PON3: variants seen among roughly 807,000 people sequenced by gnomAD.
The protein encoded by PON3 is paraoxonase 3.
In PON3, 37 loss-of-function variants were observed where a neutral mutation model predicts 36.3. The observed-to-expected ratio is 1.02, with a 90% confidence interval of 0.78 to 1.34. PON3 has a LOEUF of 1.34. PON3 is among the 40% of genes most tolerant of loss of function. The pLI is 0.00. For synonymous variants in PON3, 155 were observed against 154.8 expected (o/e 1.00, Z -0.01); for missense variants, 415 against 426.5 (o/e 0.97, Z 0.24).
chr7:95,377,537 T>C (rs1192980478), intron 3 of PON3: 10 of 424,866 alleles, frequency 2.4e-5, no homozygotes, highest in East Asian at 1.8e-4. Context: ...AGATACCTCA[T>C]ACAGGCGGAT....
At chr7:95,368,072 C>G (rs548356950) in intron 4 of PON3, among the ~76,000 whole-genome samples, 36 of 152,272 alleles carry the variant, frequency 2.4e-4, no homozygotes, top group African/African-American at 8.4e-4. Flanking sequence ...CTAACTAATT[C>G]TAGGTAGTAC....
In PON3 at chr7:95,372,192, G is replaced by T. The variant is rs758765610; in HGVS notation, c.348C>A (p.Ile116=). The T allele has an allele frequency of 6.2e-7, 1 of 1,613,572 alleles. No individual in the cohort carries two copies. The highest frequency in any genetic ancestry group is 8.5e-7 in the Non-Finnish European group (1 of 1,179,692). Residue 116 remains isoleucine, a synonymous_variant, in exon 4 of 9, where the codon ATC becomes ATA. Transcript: ENST00000265627. ...FDKELFNPHG[I]SIFIDKDNTV... is the part of the protein sequence containing the mutation. ...TTTTACCTTTGTCGATGAAAATACT[G>T]ATCCCATGTGGATTAAATAATTCTT...
chr7:95,394,973 G>A (rs1809397290), intron 1 of PON3, among the ~76,000 whole-genome samples: 1 of 152,090 alleles, frequency 6.6e-6, no homozygotes, highest in Non-Finnish European at 1.5e-5. Flanking sequence ...AAATTCTGCT[G>A]CCCAAATAAA....
chr7:95,375,241 T>C (rs184571306), intron 3 of PON3, among the ~76,000 whole-genome samples: 145 of 151,432 alleles, frequency 9.6e-4, no homozygotes, highest in African/African-American at 3.5e-3. Flanking sequence ...TTAATGTATA[T>C]ATGTATATGT....
intron 3 of PON3, among the ~76,000 whole-genome samples, chr7:95,375,710 TG>T (rs1396994653): frequency 6.6e-6 from 1 of 152,218 alleles, no homozygotes; most frequent in Non-Finnish European, 1.5e-5. Context: ...CTAGATTAAG[TG>T]TGATGATCAA....
chr7:95,384,693 G>A (rs1189617493), intron 3 of PON3, among the ~76,000 whole-genome samples: 2 of 152,148 alleles, frequency 1.3e-5, no homozygotes, highest in African/African-American at 4.8e-5. Flanking sequence ...TAAAAGTCAG[G>A]AAACAACAGG....
At chr7:95,366,239 T>A (rs575675948) in intron 5 of PON3, among the ~76,000 whole-genome samples, 1 of 152,128 alleles carries the variant, frequency 6.6e-6, no homozygotes, top group Admixed American at 6.5e-5. Context: ...AATCCACTAG[T>A]TAGGTAAGTC....
intron 3 of PON3, among the ~76,000 whole-genome samples, chr7:95,382,449 C>G (rs925765903): frequency 2.0e-5 from 3 of 151,954 alleles, no homozygotes; most frequent in Non-Finnish European, 4.4e-5. Flanking sequence ...AATTGATAGA[C>G]CACTAGCAAG....
Position 95,372,226 on chromosome 7 carries a change from C to T in PON3, c.314G>A (p.Gly105Glu). ...PRAQALEISG[G>E]FDKELFNPHG... Reference sequence around the variant, plus strand: ...TGGATTAAATAATTCTTTGTCAAATCCACCACTGATTTCTAGCGCTTGTGC... The same window carrying T: ...TGGATTAAATAATTCTTTGTCAAATTCACCACTGATTTCTAGCGCTTGTGC... Residue 105 changes from glycine to glutamate, a missense_variant, in exon 4 of 9, where the codon GGA (glycine) becomes GAA (glutamate). By Grantham distance (98) the Gly-to-Glu change is moderately conservative. Transcript: ENST00000265627. 1 of 1,613,862 alleles carries T rather than the reference C, an allele frequency of 6.2e-7. No homozygotes were observed.
intron 5 of PON3, among the ~76,000 whole-genome samples, chr7:95,366,428 C>T (rs1036979247): frequency 1.3e-5 from 2 of 152,144 alleles, no homozygotes; most frequent in African/African-American, 2.4e-5. Context: ...GCTCTGCACT[C>T]GTTTCCCCCA....
At chr7:95,395,974 C>G in intron 1 of PON3, 1 of 419,054 alleles carries the variant, frequency 2.4e-6, no homozygotes, top group South Asian at 2.3e-5. Flanking sequence ...TGAGGGCGAG[C>G]TGGGAAAGGG....
intron 4 of PON3, among the ~76,000 whole-genome samples, chr7:95,370,368 T>C (rs1415268757): frequency 2.0e-5 from 3 of 151,966 alleles, no homozygotes; most frequent in African/African-American, 7.3e-5. Context: ...TGGAGAGATA[T>C]TGGAGAGATA....
intron 5 of PON3, chr7:95,366,055 G>A (rs907126724): frequency 1.3e-5 from 2 of 151,688 alleles, no homozygotes; most frequent in Admixed American, 1.3e-4. Flanking sequence ...AGGGCAGGGG[G>A]ACACAAAATT....
rs1167898029 is a variant in PON3, at chr7:95,359,926, T to C, written c.*47A>G. On this transcript the variant is annotated 3_prime_UTR_variant, in exon 9 of 9. Transcript: ENST00000265627. ...CTTATCATACAATTATCAGTTTACT[T>C]TTACAAAATATGTAGACTTTTTTTT... 2 of 1,572,598 alleles carry C rather than the reference T, an allele frequency of 1.3e-6. No individual in the cohort carries two copies. Among genetic ancestry groups the C allele is most frequent in the African/African-American group, 2.7e-5 (2 of 73,188 alleles).
intron 3 of PON3, among the ~76,000 whole-genome samples, chr7:95,376,402 T>C (rs181226847): frequency 4.6e-5 from 7 of 152,270 alleles, no homozygotes; most frequent in Admixed American, 4.6e-4. Flanking sequence ...AAACATCTTC[T>C]AGGATGGCAA....
At chr7:95,394,239 GA>G (rs1207557685) in intron 2 of PON3, among the ~76,000 whole-genome samples, 1 of 151,338 alleles carries the variant, frequency 6.6e-6, no homozygotes, top group African/African-American at 2.4e-5. Flanking sequence ...CATATTATTT[GA>G]AAAAAAATAA....
chr7:95,375,492 T>A (rs1562772852), intron 3 of PON3, among the ~76,000 whole-genome samples: 2 of 152,092 alleles, frequency 1.3e-5, no homozygotes, highest in African/African-American at 2.4e-5. Flanking sequence ...AGATCATTTA[T>A]TGTTCAGACT....
In PON3 at chr7:95,379,647, G is replaced by T. The variant is rs531596703; in HGVS notation, c.202-7309C>A. ...AGATCGAACTGCAAGGGAGCAGCGAGGCTGGGGGAGGGGCGCCCGCCATTG... is the reference window on the plus strand; with the variant it reads ...AGATCGAACTGCAAGGGAGCAGCGATGCTGGGGGAGGGGCGCCCGCCATTG... On this transcript the variant is annotated intron_variant, in intron 3 of 8. Transcript: ENST00000265627. Among the ~76,000 whole-genome samples, 3 of 152,360 alleles carry T rather than the reference G, an allele frequency of 2.0e-5. No homozygotes were observed. The South Asian group carries it at 6.2e-4, about 32-fold the overall frequency.
chr7:95,361,180 TCTG>T (rs1172893502), intron 8 of PON3, among the ~76,000 whole-genome samples: 2 of 152,130 alleles, frequency 1.3e-5, no homozygotes, highest in Middle Eastern at 3.2e-3. Context: ...GGGTAACAAT[TCTG>T]GTTCTAGGCT....
Sources: gnomAD v4.1 joint callset for allele counts (sites outside exome capture counted in the v4.1 genomes callset) on GRCh38, gnomAD v4.1.1 for gene constraint, MANE v1.5 for transcripts, NCBI Gene and HGNC (gene_info 2026-07-23, HGNC 2026-07-21) for gene names.